The following KANK4 variants were observed in gnomAD, a reference collection of about 807,000 sequenced individuals.
KANK4 encodes KN motif and ankyrin repeat domain-containing protein 4.
Under a neutral mutation model 80.8 loss-of-function variants are expected in KANK4, and 50 were observed. That is an observed-to-expected ratio of 0.62 (90% confidence interval 0.49 to 0.78). The LOEUF is 0.78. KANK4 is among the 30% of genes least tolerant of loss of function. The pLI is 0.00. For missense variants in KANK4, 1,196 were observed against 1,240.1 expected, an observed-to-expected ratio of 0.96 and a Z score of 0.53; for synonymous variants, 465 against 506.9, an observed-to-expected ratio of 0.92 and a Z score of 1.11.
intron 1 of KANK4, among the ~76,000 whole-genome samples, chr1:62,308,505 C>T (rs991170277): frequency 6.6e-6 from 1 of 152,070 alleles, no homozygotes; most frequent in Non-Finnish European, 1.5e-5. Context: ...GCTCCTGCTC[C>T]TGATCTCTCT....
intron 7 of KANK4, among the ~76,000 whole-genome samples, chr1:62,261,356 C>T (rs1412583135): frequency 1.3e-5 from 2 of 152,004 alleles, no homozygotes; most frequent in African/African-American, 4.8e-5. Flanking sequence ...GAGAGGGTTT[C>T]CCCATGTTGG....
rs762778995 is a variant in KANK4, at chr1:62,253,038, G to A, written c.2682+29C>T. 6 of 1,610,914 alleles carry A rather than the reference G, an allele frequency of 3.7e-6. No homozygotes were observed. The South Asian group carries it at 5.5e-5, about 15-fold the overall frequency. ...AGCGGGAGGTGCCCCTGCATTTACT[G>A]AAGAGGAGATCCTGTTCATTCCACC... On this transcript the variant is annotated intron_variant, in intron 8 of 9. Coordinates refer to ENST00000371153, the MANE Select transcript of KANK4 (RefSeq NM_181712.5).
chr1:62,317,928 C>T (rs1005594959), intron 1 of KANK4, among the ~76,000 whole-genome samples: 1 of 152,178 alleles, frequency 6.6e-6, no homozygotes, highest in Non-Finnish European at 1.5e-5. Flanking sequence ...CCGAGCCATT[C>T]CCCAAAACTC....
At chr1:62,284,227 G>A (rs944300472) in intron 1 of KANK4, among the ~76,000 whole-genome samples, 1 of 152,118 alleles carries the variant, frequency 6.6e-6, no homozygotes, top group Admixed American at 6.6e-5. Flanking sequence ...GGTTAGGTTA[G>A]GTAAAAATAA....
In KANK4 at chr1:62,273,744, G is replaced by A. The variant is rs751228904; in HGVS notation, c.1360C>T (p.Leu454Phe). 2 of 1,614,130 alleles carry A rather than the reference G, an allele frequency of 1.2e-6. No homozygotes were observed. Among genetic ancestry groups the A allele is most frequent in the Non-Finnish European group, 1.7e-6 (2 of 1,180,022 alleles). The part of the protein sequence containing the change: ...SWGHRGEENG[L>F]LWGPDGHKQG... ...TTATGACCATCTGGCCCCCATAGGA[G>A]GCCATTCTCCTCTCCTCGGTGCCCC... Residue 454 changes from leucine to phenylalanine, a missense_variant, in exon 3 of 10, where the codon CTC (leucine) becomes TTC (phenylalanine). Coordinates refer to ENST00000371153, the MANE Select transcript of KANK4 (RefSeq NM_181712.5).
intron 3 of KANK4, chr1:62,271,999 C>G (rs766420760): frequency 3.3e-5 from 6 of 184,318 alleles, no homozygotes; most frequent in Admixed American, 1.1e-4. Flanking sequence ...CAAGTGCATA[C>G]TGACACTAGG....
intron 1 of KANK4, among the ~76,000 whole-genome samples, chr1:62,284,960 T>C (rs867122319): frequency 6.6e-6 from 1 of 152,246 alleles, no homozygotes; most frequent in Middle Eastern, 3.4e-3. Flanking sequence ...AGGAACAAAA[T>C]TGTCTGTCTT....
intron 1 of KANK4, among the ~76,000 whole-genome samples, chr1:62,284,598 G>A (rs1672521442): frequency 6.6e-6 from 1 of 152,086 alleles, no homozygotes; most frequent in African/African-American, 2.4e-5. Flanking sequence ...GGATTACAGG[G>A]GTGAGCCACG....
At chr1:62,252,578 G>A (rs1034187459) in intron 8 of KANK4, among the ~76,000 whole-genome samples, 2 of 152,214 alleles carry the variant, frequency 1.3e-5, no homozygotes, top group Non-Finnish European at 1.5e-5. Context: ...TGTCTGCCCT[G>A]GCTATCCACA....
chr1:62,266,938 G>T, intron 5 of KANK4, 119 bp from the exon 6 acceptor site: 2 of 632,130 alleles, frequency 3.2e-6, no homozygotes, highest in South Asian at 4.1e-5. Flanking sequence ...CTGGGCAACT[G>T]CCCTAGGAGA....
chr1:62,267,091 T>TG (rs1242739360), intron 5 of KANK4, among the ~76,000 whole-genome samples: 2 of 148,608 alleles, frequency 1.3e-5, no homozygotes, highest in Non-Finnish European at 3.0e-5. Flanking sequence ...AGCATTTAGG[T>TG]GGGGGGTCGT....
Position 62,262,142 on chromosome 1 carries a change from T to A in KANK4, c.2539+950A>T, listed in dbSNP as rs149335668. Among the ~76,000 whole-genome samples the A allele has an allele frequency of 2.2e-4, 34 of 152,318 alleles. No individual in the cohort carries two copies. The East Asian group carries it at 5.8e-3, about 26-fold the overall frequency. On this transcript the variant is annotated intron_variant, in intron 7 of 9. Transcript: ENST00000371153. ...GAGCCATGACCTTTGTTAAAAAGTA[T>A]CTTCTGAAGATGGGAAAATGCCATT...
At chr1:62,247,197 T>C (rs1485541652) in intron 9 of KANK4, among the ~76,000 whole-genome samples, 1 of 152,086 alleles carries the variant, frequency 6.6e-6, no homozygotes, top group East Asian at 1.9e-4. Flanking sequence ...AGCCTCTTAT[T>C]TAAATCCCAC....
At chr1:62,289,073 T>C (rs1672628345) in intron 1 of KANK4, among the ~76,000 whole-genome samples, 1 of 152,182 alleles carries the variant, frequency 6.6e-6, no homozygotes, top group Non-Finnish European at 1.5e-5. Flanking sequence ...CTTATTTTGT[T>C]GTTGTTCTGT....
chr1:62,275,018 G>T lies in KANK4; in HGVS notation c.86C>A (p.Thr29Asn). The T allele has an allele frequency of 6.2e-7, 1 of 1,614,004 alleles. No individual in the cohort carries two copies. The highest frequency in any genetic ancestry group is 8.5e-7 in the Non-Finnish European group (1 of 1,179,980). The change falls in exon 3 of 10, where the codon ACC becomes AAC. Residue 29 changes from threonine to asparagine, a missense_variant. By Grantham distance (65) the Thr-to-Asn change is moderately conservative. This residue lies in a region of KANK4 where 36 missense variants were observed against 34.0 expected (regional missense o/e 1.06). Coordinates refer to ENST00000371153, the MANE Select transcript of KANK4 (RefSeq NM_181712.5). Reference protein sequence around the residue: ...PPKSHPYSVETPYGFHLDLDF... With the variant: ...PPKSHPYSVENPYGFHLDLDF... ...CAGGTCTAAATGAAAGCCATATGGG[G>T]TCTCCACAGAATAAGGGTGGCTCTT...
At chr1:62,246,202 T>TA (rs1379309534) in intron 9 of KANK4, among the ~76,000 whole-genome samples, 1 of 152,188 alleles carries the variant, frequency 6.6e-6, no homozygotes, top group Non-Finnish European at 1.5e-5. Context: ...ACTGATTAGT[T>TA]ACTATTGTCA....
intron 8 of KANK4, among the ~76,000 whole-genome samples, chr1:62,251,990 T>TC (rs1491568929): frequency 5.2e-5 from 3 of 58,104 alleles, no homozygotes; most frequent in Non-Finnish European, 1.2e-4. Flanking sequence ...AGACTCCGTT[T>TC]CAAAAAAAAA....
chr1:62,315,774 A>G (rs1644533846), intron 1 of KANK4, among the ~76,000 whole-genome samples: 1 of 152,198 alleles, frequency 6.6e-6, no homozygotes, highest in Non-Finnish European at 1.5e-5. Flanking sequence ...AAGTAAGCAT[A>G]TTCTCAGCAC....
At chr1:62,306,599 C>T (rs1194025796) in intron 1 of KANK4, among the ~76,000 whole-genome samples, 3 of 151,982 alleles carry the variant, frequency 2.0e-5, no homozygotes, top group African/African-American at 7.2e-5. Context: ...ATTTTTTAAA[C>T]AGATTCTCTA....
Sources: allele counts gnomAD v4.1 joint callset (sites outside exome capture counted in the v4.1 genomes callset), GRCh38; gene constraint gnomAD v4.1.1; regional missense constraint gnomAD v4.1.1; transcripts MANE v1.5; gene names NCBI Gene and HGNC (gene_info 2026-07-23, HGNC 2026-07-21).